The following NEK7 variants were observed in gnomAD, a reference collection of about 807,000 sequenced individuals.
NEK7 encodes serine/threonine-protein kinase Nek7.
A neutral mutation model predicts 44.6 loss-of-function variants in NEK7; 18 were observed. The ratio of observed to expected loss-of-function variants is 0.40; its 90% CI spans 0.28 to 0.60. The LOEUF is 0.60. NEK7 is among the 20% of genes least tolerant of loss of function. NEK7 has a pLI of 0.38. For missense variants in NEK7, 256 were observed against 366.5 expected (o/e 0.70, Z 2.46); for synonymous variants, 130 against 121.1 (o/e 1.07, Z -0.48).
chr1:198,284,905 G>A (rs956346596), intron 7 of NEK7, among the ~76,000 whole-genome samples: 9 of 151,990 alleles, frequency 5.9e-5, no homozygotes, highest in East Asian at 5.8e-4. Flanking sequence ...CAATGAATAC[G>A]AGTACTGTAT....
intron 9 of NEK7, among the ~76,000 whole-genome samples, chr1:198,302,747 A>G (rs1348286398): frequency 6.6e-6 from 1 of 152,010 alleles, no homozygotes; most frequent in Non-Finnish European, 1.5e-5. Context: ...CTTTAATGCG[A>G]TTATCAATTT....
chr1:198,245,414 T>C (rs1666809205), intron 2 of NEK7: 1 of 168,894 alleles, frequency 5.9e-6, no homozygotes, highest in African/African-American at 2.4e-5. Context: ...GCTACAGAAA[T>C]AGAGGTAGAA....
intron 9 of NEK7, among the ~76,000 whole-genome samples, chr1:198,301,890 G>A (rs1654895893): frequency 6.6e-6 from 1 of 152,186 alleles, no homozygotes; most frequent in Non-Finnish European, 1.5e-5. Flanking sequence ...AATTGTAAAT[G>A]TATTGTAAAT....
intron 1 of NEK7, among the ~76,000 whole-genome samples, chr1:198,203,833 C>A (rs762559335): frequency 1.3e-5 from 2 of 151,150 alleles, no homozygotes; most frequent in Non-Finnish European, 1.5e-5. Context: ...AGGTTGAATT[C>A]ATTTTTTTTT....
chr1:198,252,278 G>A (rs1653036042), intron 2 of NEK7, among the ~76,000 whole-genome samples: 1 of 151,820 alleles, frequency 6.6e-6, no homozygotes, highest in African/African-American at 2.4e-5. Flanking sequence ...ATTTGTTGAG[G>A]AGAGCTTTAC....
chr1:198,209,532 GAAT>G (rs1395524590), intron 1 of NEK7, among the ~76,000 whole-genome samples: 1 of 152,084 alleles, frequency 6.6e-6, no homozygotes, highest in African/African-American at 2.4e-5. Flanking sequence ...ATAATGATAA[GAAT>G]AATATCCTTT....
chr1:198,173,447 A>G (rs996963242), intron 1 of NEK7, among the ~76,000 whole-genome samples: 6 of 151,566 alleles, frequency 4.0e-5, no homozygotes, highest in African/African-American at 1.5e-4. Flanking sequence ...AAAAAAAAAA[A>G]GGACAGCTTT....
In NEK7 at chr1:198,244,240, G is replaced by A. The variant is rs199753202; in HGVS notation, c.58-8800G>A. Among the ~76,000 whole-genome samples, 4 of 151,964 alleles carry A rather than the reference G, an allele frequency of 2.6e-5. No homozygotes were observed. In the East Asian group the frequency reaches 5.8e-4, roughly 22 times the overall value. On this transcript the variant is annotated intron_variant, in intron 2 of 9. Transcript: ENST00000367385. ...TAATTACTGTAATTAATACTGGCTT[G>A]TATATTAAATCATTGATAACAATAC...
At chr1:198,234,887 A>C (rs1158712037) in intron 2 of NEK7, among the ~76,000 whole-genome samples, 2 of 152,186 alleles carry the variant, frequency 1.3e-5, no homozygotes, top group East Asian at 3.8e-4. Context: ...AGACAGTGTA[A>C]GAAAGATTAC....
rs115236859 is a variant in NEK7, at chr1:198,215,859, A to G, written c.-28-16694A>G. ...GAAGGGATCAATTCAACAAGAAGAT[A>G]TAACAATCCTAAACATGTATGTGCC... On this transcript the variant is annotated intron_variant, in intron 1 of 9. Transcript: ENST00000367385. Among the ~76,000 whole-genome samples, 218 of 152,270 alleles carry G rather than the reference A, an allele frequency of 1.4e-3. 2 individuals carry two copies. The highest frequency in any genetic ancestry group is 5.2e-3 in the African/African-American group (216 of 41,580).
In NEK7 at chr1:198,288,299, G is replaced by A. The variant is rs12125804; in HGVS notation, c.590-4646G>A. Among the ~76,000 whole-genome samples, 1,219 of 152,286 alleles carry A rather than the reference G, an allele frequency of 8.0e-3. 11 individuals carry two copies. The highest frequency in any genetic ancestry group is 0.037 in the Middle Eastern group (11 of 294). On this transcript the variant is annotated intron_variant, in intron 7 of 9. Coordinates refer to ENST00000367385, the MANE Select transcript of NEK7 (RefSeq NM_133494.3). Reference sequence around the variant, plus strand: ...GAGCTATTATCTAATTTTAAACGGTGTACCTTTAACCTCCCAGCCGCCATA... The same window carrying A: ...GAGCTATTATCTAATTTTAAACGGTATACCTTTAACCTCCCAGCCGCCATA...
At chr1:198,255,773 T>C (rs1571579426) in intron 3 of NEK7, among the ~76,000 whole-genome samples, 1 of 152,186 alleles carries the variant, frequency 6.6e-6, no homozygotes, top group Non-Finnish European at 1.5e-5. Flanking sequence ...AATTTCTTCA[T>C]AGAAGACAGA....
At chr1:198,252,124 C>T (rs961744807) in intron 2 of NEK7, among the ~76,000 whole-genome samples, 4 of 152,008 alleles carry the variant, frequency 2.6e-5, no homozygotes, top group African/African-American at 9.7e-5. Context: ...GCCTTCATTT[C>T]GTTATGTACC....
chr1:198,232,917 C>A (rs1348494839), intron 2 of NEK7, among the ~76,000 whole-genome samples: 1 of 151,442 alleles, frequency 6.6e-6, no homozygotes, highest in East Asian at 1.9e-4. Flanking sequence ...TACAATTGCA[C>A]ATATTTTTAG....
At chr1:198,163,363 G>A (rs1043478143) in intron 1 of NEK7, among the ~76,000 whole-genome samples, 1 of 151,934 alleles carries the variant, frequency 6.6e-6, no homozygotes, top group Non-Finnish European at 1.5e-5. Flanking sequence ...GGGCTTGGTG[G>A]CACGCACCTG....
chr1:198,301,805 T>C (rs1654893271), intron 9 of NEK7, among the ~76,000 whole-genome samples: 2 of 152,248 alleles, frequency 1.3e-5, no homozygotes, highest in Admixed American at 1.3e-4. Context: ...AAAATGTTTT[T>C]AATAAAGTAG....
chr1:198,254,777 C>T (rs1159951769), intron 3 of NEK7, among the ~76,000 whole-genome samples: 2 of 152,090 alleles, frequency 1.3e-5, no homozygotes, highest in Admixed American at 6.6e-5. Flanking sequence ...TGTAAGTTTT[C>T]GCCAGCAGCA....
At chr1:198,286,741 C>G (rs1250887187) in intron 7 of NEK7, among the ~76,000 whole-genome samples, 1 of 152,160 alleles carries the variant, frequency 6.6e-6, no homozygotes, top group Non-Finnish European at 1.5e-5. Flanking sequence ...CTTGTCTATT[C>G]AGATTATGGC....
Position 198,253,913 on chromosome 1 carries a change from G to A in NEK7, c.198+733G>A, listed in dbSNP as rs891936386. Among the ~76,000 whole-genome samples, 12 of 152,104 alleles carry A rather than the reference G, an allele frequency of 7.9e-5. 1 individual carries two copies. The highest frequency in any genetic ancestry group is 2.1e-4 in the South Asian group (1 of 4,830). ...AAAGTACTTGTCTTTCTGCCTTCCA[G>A]TGTGTATGACATCAAACAGTAAATC... On this transcript the variant is annotated intron_variant, in intron 3 of 9. Coordinates refer to ENST00000367385, the MANE Select transcript of NEK7 (RefSeq NM_133494.3).
Sources: gnomAD v4.1 joint callset for allele counts (sites outside exome capture counted in the v4.1 genomes callset) on GRCh38, gnomAD v4.1.1 for gene constraint, MANE v1.5 for transcripts, NCBI Gene and HGNC (gene_info 2026-07-23, HGNC 2026-07-21) for gene names.